RFPL3: variants seen among roughly 807,000 people sequenced by gnomAD.
The protein encoded by RFPL3 is ret finger protein-like 3.
In RFPL3, 8 loss-of-function variants were observed where a neutral mutation model predicts 8.7. The ratio of observed to expected loss-of-function variants is 0.92; its 90% CI spans 0.54 to 1.66. The LOEUF (loss-of-function observed/expected upper bound fraction) is 1.66. Among genes scored for constraint, RFPL3 ranks in the 40% most tolerant of loss-of-function variants. The pLI is 0.00. For synonymous variants in RFPL3, 145 were observed against 150.5 expected (o/e 0.96, Z 0.27); for missense variants, 341 against 395.0 (o/e 0.86, Z 1.16).
upstream of RFPL3, chr22:32,357,811 G>A (rs1932718094): frequency 1.5e-6 from 2 of 1,305,560 alleles, no homozygotes. Flanking sequence ...CTCTTGCTGG[G>A]GTTCCCCTAG....
At position 32,360,664 on chromosome 22, in the gene RFPL3, A is replaced by C. The variant is rs772905057; in HGVS notation, c.786A>C (p.Glu262Asp). The C allele has an allele frequency of 5.6e-6, 9 of 1,613,448 alleles. No homozygotes were observed. The highest frequency in any genetic ancestry group is 7.6e-6 in the Non-Finnish European group (9 of 1,179,778). Residue 262 changes from glutamate to aspartate, a missense_variant, in exon 2 of 2, where the codon GAA (glutamate) becomes GAC (aspartate). Coordinates refer to ENST00000249007, the MANE Select transcript of RFPL3 (RefSeq NM_001098535.1). ...AGAACGTTTCCTTTTTTGATGCTGA[A>C]AGTGGTTCCCATGTCTATACATTCA... ...GMQNVSFFDA[E>D]SGSHVYTFRS...
Position 32,360,911 on chromosome 22 carries a change from T to TTA in RFPL3, c.*82_*83dup, listed in dbSNP as rs1932780365. On this transcript the variant is annotated 3_prime_UTR_variant, in exon 2 of 2. Transcript: ENST00000249007. The stretch of plus-strand genomic sequence containing the variant: ...AGGAATTTTCTACTTGGTAAAAGCA[T>TTA]TATACAGTCATAGGAGAAAGATATG... 1.5e-6 allele frequency: 2 copies of TTA among 1,369,774 alleles called. No homozygotes were observed. The highest frequency in any genetic ancestry group is 3.0e-5 in the South Asian group (2 of 66,048). 84.9% of individuals were successfully genotyped at this position (1,369,774 alleles called of 1,614,324 possible). A position where few individuals can be genotyped will look rare whatever the true frequency, so the allele number is the denominator to read the frequency against.
At chr22:32,357,763 A>G (rs564598118), upstream of RFPL3, 196 of 917,698 alleles carry the variant, frequency 2.1e-4, 1 homozygote, top group Admixed American at 5.6e-4. Flanking sequence ...CATCGTGCCC[A>G]GCCTCTCAGC....
Position 32,360,529 on chromosome 22 carries a change from T to A in RFPL3, c.651T>A (p.Thr217=). Residue 217 remains threonine (T), a synonymous_variant, in exon 2 of 2, where the codon ACT becomes ACA. Transcript: ENST00000249007. ...TGACCACAGAGCTTGGATTCTGGAC[T>A]GTGAGTTTGAGGGATGGAAGCCGCC... ...IQLTTELGFW[T]VSLRDGSRLS... 1 of 1,613,962 alleles carries A rather than the reference T, an allele frequency of 6.2e-7. No homozygotes were observed. Among genetic ancestry groups the A allele is most frequent in the East Asian group, 2.2e-5 (1 of 44,882 alleles).
At position 32,358,445 on chromosome 22, in the gene RFPL3, G is replaced by T. The variant is rs1932740139; in HGVS notation, c.373+1G>T. Reference sequence around the variant, plus strand: ...AACCCAAGGATGCGGAAGTTCCAAGGTAAGGAATCTGTATACCCTGCCCCC... The same window carrying T: ...AACCCAAGGATGCGGAAGTTCCAAGTTAAGGAATCTGTATACCCTGCCCCC... On this transcript the variant is annotated splice_donor_variant, in intron 1 of 1. Coordinates refer to ENST00000249007, the MANE Select transcript of RFPL3 (RefSeq NM_001098535.1). LOFTEE classifies it high-confidence loss of function. 1 of 1,611,754 alleles carries T rather than the reference G, an allele frequency of 6.2e-7. No homozygotes were observed. Among genetic ancestry groups the T allele is most frequent in the African/African-American group, 1.3e-5 (1 of 74,814 alleles).
At chr22:32,356,771 C>G (rs750078257), upstream of RFPL3, 45 of 385,150 alleles carry the variant, frequency 1.2e-4, no homozygotes, top group Non-Finnish European at 3.1e-5. Flanking sequence ...GGTCGGGTGT[C>G]AGGCTCAGGT....
At position 32,358,407 on chromosome 22, in the gene RFPL3, G is replaced by T; in HGVS notation, c.336G>T (p.Lys112Asn). 1.2e-6 allele frequency: 2 copies of T among 1,614,056 alleles called. No individual in the cohort carries two copies. Among genetic ancestry groups the T allele is most frequent in the Middle Eastern group, 1.6e-4 (1 of 6,062 alleles). ...AGGAACTGGAGCCCAAGCTGAAGAA[G>T]ATTCTACAGATGAACCCAAGGATGC... is the stretch of plus-strand genomic sequence containing the variant. ...HIKELEPKLK[K>N]ILQMNPRMRK... Residue 112 changes from lysine (K) to asparagine (N), a missense_variant, in exon 1 of 2, where the codon AAG (lysine) becomes AAT (asparagine). Transcript: ENST00000249007.
upstream of RFPL3, chr22:32,356,550 G>A (rs946710875): frequency 5.6e-6 from 1 of 178,930 alleles, no homozygotes; most frequent in Non-Finnish European, 1.2e-5. Context: ...GGTTGACGGT[G>A]AGGATATTTA....
chr22:32,360,540 G>C lies in RFPL3; in HGVS notation c.662G>C (p.Arg221Thr), dbSNP rs751436099. ...CTTGGATTCTGGACTGTGAGTTTGA[G>C]GGATGGAAGCCGCCTCTCTGCCAGC... ...TELGFWTVSL[R>T]DGSRLSASTV... Residue 221 changes from arginine to threonine, a missense_variant, in exon 2 of 2, where the codon AGG (arginine) becomes ACG (threonine). By Grantham distance (71) the Arg-to-Thr change is moderately conservative (BLOSUM62 -1). Coordinates refer to ENST00000249007, the MANE Select transcript of RFPL3 (RefSeq NM_001098535.1). The C allele has an allele frequency of 8.1e-6, 13 of 1,613,984 alleles. No homozygotes were observed. The Admixed American group carries it at 2.2e-4, about 27-fold the overall frequency.
intron 1 of RFPL3, among the ~76,000 whole-genome samples, chr22:32,359,341 G>A (rs1169301729): frequency 1.3e-5 from 2 of 152,092 alleles, no homozygotes; most frequent in Non-Finnish European, 2.9e-5. Flanking sequence ...CTTGACTAGG[G>A]TAGTCTTACT....
At chr22:32,357,611 C>T (rs1204392584), upstream of RFPL3, among the ~76,000 whole-genome samples, 6 of 152,176 alleles carry the variant, frequency 3.9e-5, no homozygotes, top group Admixed American at 2.0e-4. Context: ...GGATTACAGG[C>T]GTGTGCCACC....
At chr22:32,355,468 G>A (rs113520393), upstream of RFPL3, among the ~76,000 whole-genome samples, 10,488 of 151,964 alleles carry the variant, frequency 0.069, 505 homozygotes, top group African/African-American at 0.13. Flanking sequence ...CGAGACCCAG[G>A]ATCCAATAAA....
chr22:32,359,100 A>C (rs1932752925), intron 1 of RFPL3, among the ~76,000 whole-genome samples: 1 of 152,234 alleles, frequency 6.6e-6, no homozygotes, highest in Non-Finnish European at 1.5e-5. Context: ...AGCCTGGGCA[A>C]AGAATTACAC....
At chr22:32,357,813 T>G (rs1187309260), upstream of RFPL3, 6 of 1,312,268 alleles carry the variant, frequency 4.6e-6, no homozygotes, top group Admixed American at 3.2e-5. Flanking sequence ...CTTGCTGGGG[T>G]TCCCCTAGGA....
At position 32,360,662 on chromosome 22, in the gene RFPL3, G is replaced by A. The variant is rs146107130; in HGVS notation, c.784G>A (p.Glu262Lys). The change falls in exon 2 of 2, where the codon GAA becomes AAA. Residue 262 changes from glutamate (E) to lysine (K), a missense_variant. By Grantham distance (56) the Glu-to-Lys change is moderately conservative. Coordinates refer to ENST00000249007, the MANE Select transcript of RFPL3 (RefSeq NM_001098535.1). ...GMQNVSFFDAESGSHVYTFRS... is the reference protein window; with the variant it reads ...GMQNVSFFDAKSGSHVYTFRS... ...GCAGAACGTTTCCTTTTTTGATGCT[G>A]AAAGTGGTTCCCATGTCTATACATT... The A allele has an allele frequency of 6.2e-6, 10 of 1,613,300 alleles. No individual in the cohort carries two copies. The highest frequency in any genetic ancestry group is 5.9e-6 in the Non-Finnish European group (7 of 1,179,720).
At chr22:32,356,056 A>G (rs906575560), upstream of RFPL3, among the ~76,000 whole-genome samples, 1 of 152,022 alleles carries the variant, frequency 6.6e-6, no homozygotes, top group East Asian at 1.9e-4. Context: ...GGCGGGCCCC[A>G]AATGTAAGAC....
upstream of RFPL3, among the ~76,000 whole-genome samples, chr22:32,355,292 T>G (rs1932627270): frequency 6.6e-6 from 1 of 152,126 alleles, no homozygotes; most frequent in Non-Finnish European, 1.5e-5. Flanking sequence ...TCAGAATATG[T>G]AGTCCAAGAA....
In RFPL3 at chr22:32,360,843, C is replaced by CA. The variant is rs67352955; in HGVS notation, c.*20dup. 531 of 1,460,504 alleles carry CA rather than the reference C, an allele frequency of 3.6e-4. No individual in the cohort carries two copies. Among genetic ancestry groups the CA allele is most frequent in the South Asian group, 1.4e-3 (95 of 65,750 alleles). 90.5% of individuals were successfully genotyped at this position (1,460,504 alleles called of 1,614,324 possible). On this transcript the variant is annotated 3_prime_UTR_variant, in exon 2 of 2. Transcript: ENST00000249007. ...GGGGAGGCCAAATAAGCCGCCACTG[C>CA]AAAAAAAAACAGGGTCAGAAAATTA... is the stretch of plus-strand genomic sequence containing the variant.
intron 1 of RFPL3, 68 bp downstream of exon 1, chr22:32,358,512 C>T: frequency 2.0e-6 from 3 of 1,536,172 alleles, no homozygotes; most frequent in East Asian, 2.3e-5. Flanking sequence ...TGCAGTTGGC[C>T]CCTCATTCCA....
Sources: gnomAD v4.1 joint callset for allele counts (sites outside exome capture counted in the v4.1 genomes callset) on GRCh38, gnomAD v4.1.1 for gene constraint, MANE v1.5 for transcripts, NCBI Gene and HGNC (gene_info 2026-07-23, HGNC 2026-07-21) for gene names.